LOC128092253: variants seen among roughly 807,000 people sequenced by gnomAD.
chr6:133,967,576 G>C, the LOC128092253 span, among the ~76,000 whole-genome samples: 2 of 152,174 alleles, frequency 1.3e-5, no homozygotes, highest in African/African-American at 4.8e-5. Context: ...ACACACCTGG[G>C]CTATGTAGTA....
chr6:133,973,312 A>G, the LOC128092253 span, among the ~76,000 whole-genome samples: 46 of 152,296 alleles, frequency 3.0e-4, no homozygotes, highest in South Asian at 8.3e-4. Flanking sequence ...TAGATCATAG[A>G]TGGTAATTTT....
At chr6:133,967,927 A>G in the LOC128092253 span, among the ~76,000 whole-genome samples, 1 of 152,140 alleles carries the variant, frequency 6.6e-6, no homozygotes, top group African/African-American at 2.4e-5. Context: ...AGACAAATAT[A>G]TGGATTTAGA....
the LOC128092253 span, among the ~76,000 whole-genome samples, chr6:133,961,832 T>C: frequency 1.3e-5 from 2 of 152,228 alleles, no homozygotes; most frequent in African/African-American, 4.8e-5. Flanking sequence ...GAAGTTTCTC[T>C]TTCATTATCT....
the LOC128092253 span, among the ~76,000 whole-genome samples, chr6:133,959,876 G>T: frequency 6.6e-6 from 1 of 152,206 alleles, no homozygotes; most frequent in Non-Finnish European, 1.5e-5. Context: ...ACCCAAAAGT[G>T]CAAATATGAA....
chr6:133,968,300 G>A, the LOC128092253 span, among the ~76,000 whole-genome samples: 2 of 151,972 alleles, frequency 1.3e-5, no homozygotes, highest in African/African-American at 4.8e-5. Context: ...CTTAAATCTT[G>A]TATACTTAGA....
the LOC128092253 span, among the ~76,000 whole-genome samples, chr6:133,964,609 C>T: frequency 1.1e-4 from 16 of 151,828 alleles, no homozygotes; most frequent in Admixed American, 4.6e-4. Context: ...GCCACCACTC[C>T]AGGCTAATTT....
chr6:133,954,442 T>C, the LOC128092253 span, among the ~76,000 whole-genome samples: 1 of 152,252 alleles, frequency 6.6e-6, no homozygotes, highest in Non-Finnish European at 1.5e-5. Flanking sequence ...TTCCTTCCTA[T>C]TGAGAAGTGA....
chr6:133,976,873 G>T, the LOC128092253 span, among the ~76,000 whole-genome samples: 2 of 151,426 alleles, frequency 1.3e-5, no homozygotes, highest in African/African-American at 4.9e-5. Flanking sequence ...TGAGGCTGAA[G>T]CAGAGAATTG....
chr6:133,967,306 A>T, the LOC128092253 span, among the ~76,000 whole-genome samples: 1 of 152,350 alleles, frequency 6.6e-6, no homozygotes, highest in South Asian at 2.1e-4. Flanking sequence ...AAGTGGGCAT[A>T]AATCATTTTC....
chr6:133,958,271 C>T, the LOC128092253 span, among the ~76,000 whole-genome samples: 5 of 152,256 alleles, frequency 3.3e-5, no homozygotes, highest in South Asian at 4.1e-4. Context: ...ATTAGGCTTT[C>T]GTTAGAAGGC....
chr6:133,955,013 T>C, the LOC128092253 span, among the ~76,000 whole-genome samples: 211 of 152,198 alleles, frequency 1.4e-3, 2 homozygotes, highest in Non-Finnish European at 2.5e-3. Context: ...AGTGTGAACA[T>C]TGGGAAACTT....
At chr6:133,970,342 G>T in the LOC128092253 span, among the ~76,000 whole-genome samples, 1 of 152,050 alleles carries the variant, frequency 6.6e-6, no homozygotes, top group Non-Finnish European at 1.5e-5. Context: ...GATAAATTCT[G>T]GATACTGTAG....
the LOC128092253 span, among the ~76,000 whole-genome samples, chr6:133,977,129 G>T: frequency 4.6e-5 from 7 of 152,146 alleles, no homozygotes; most frequent in African/African-American, 1.7e-4. Context: ...CAGATGAACT[G>T]ATTGCAAGTG....
chr6:133,962,421 A>G, the LOC128092253 span, among the ~76,000 whole-genome samples: 1 of 152,234 alleles, frequency 6.6e-6, no homozygotes, highest in African/African-American at 2.4e-5. Flanking sequence ...AAGAAGCTAG[A>G]TTAAAAGTTA....
the LOC128092253 span, among the ~76,000 whole-genome samples, chr6:133,967,553 G>A: frequency 2.3e-4 from 35 of 152,178 alleles, no homozygotes; most frequent in African/African-American, 5.3e-4. Flanking sequence ...AAACCCAGAC[G>A]GTAGAATCTA....
the LOC128092253 span, among the ~76,000 whole-genome samples, chr6:133,974,856 A>T: frequency 2.3e-4 from 35 of 152,204 alleles, no homozygotes; most frequent in African/African-American, 8.2e-4. Context: ...AGTAAATGCA[A>T]AGAACTGCTA....
chr6:133,957,514 A>G, the LOC128092253 span, among the ~76,000 whole-genome samples: 1 of 152,250 alleles, frequency 6.6e-6, no homozygotes, highest in African/African-American at 2.4e-5. Flanking sequence ...CATTAATAAA[A>G]TGGTTCCAAA....
At chr6:133,960,067 C>T in the LOC128092253 span, among the ~76,000 whole-genome samples, 26 of 152,294 alleles carry the variant, frequency 1.7e-4, no homozygotes, top group Admixed American at 7.8e-4. Flanking sequence ...CAGTGTGTTC[C>T]TTGGGCATTT....
the LOC128092253 span, among the ~76,000 whole-genome samples, chr6:133,960,894 C>G: frequency 6.6e-6 from 1 of 152,182 alleles, no homozygotes; most frequent in Non-Finnish European, 1.5e-5. Flanking sequence ...ATAAAAAATG[C>G]TGAAGGTCAG....
Sources: allele counts gnomAD v4.1 joint callset (sites outside exome capture counted in the v4.1 genomes callset), GRCh38; gene constraint gnomAD v4.1.1; transcripts MANE v1.5.